GRHL2: variants seen among roughly 807,000 people sequenced by gnomAD.
GRHL2 encodes the protein grainyhead like transcription factor 2, also known as grainyhead-like protein 2 homolog.
GRHL2 carries 21 observed loss-of-function variants against 83.8 expected under a neutral mutation model. The observed-to-expected ratio is 0.25, with a 90% confidence interval of 0.18 to 0.36. The LOEUF (loss-of-function observed/expected upper bound fraction) is 0.36. GRHL2 is among the 10% of genes least tolerant of loss of function. The pLI is 1.00. For synonymous variants in GRHL2, 280 were observed against 278.9 expected (o/e 1.00, Z -0.04); for missense variants, 623 against 781.8 (o/e 0.80, Z 2.42).
intron 7 of GRHL2, among the ~76,000 whole-genome samples, chr8:101,594,490 C>T (rs533986665): frequency 1.3e-5 from 2 of 152,334 alleles, no homozygotes; most frequent in South Asian, 4.1e-4. Context: ...AGGACATTCA[C>T]CCAGCTTTCA....
chr8:101,528,724 CT>C, intron 1 of GRHL2: 1 of 255,562 alleles, frequency 3.9e-6, no homozygotes, highest in South Asian at 4.8e-5. Flanking sequence ...CTCTGTGTTC[CT>C]TCTGGTTCCA....
intron 11 of GRHL2, among the ~76,000 whole-genome samples, chr8:101,635,828 C>G (rs948270648): frequency 1.3e-5 from 2 of 152,178 alleles, no homozygotes; most frequent in African/African-American, 4.8e-5. Flanking sequence ...ACTAGAATGA[C>G]TCATTCCCAG....
chr8:101,573,927 C>A lies in GRHL2; in HGVS notation c.891+103C>A, dbSNP rs1047351195. ...CATGGAAAAAAAATAAAACCTTCAA[C>A]ATAAATAATTCTAGAACGAATGTCA... On this transcript the variant is annotated intron_variant, in intron 6 of 15. Transcript: ENST00000646743. 3.1e-6 allele frequency: 4 copies of A among 1,294,138 alleles called. No individual in the cohort carries two copies. In the African/African-American group the frequency reaches 4.4e-5, roughly 14 times the overall value. The allele number at this position is 1,294,138 out of a possible 1,614,324, so 80.2% of individuals were successfully genotyped here. A position where few individuals can be genotyped will look rare whatever the true frequency, so the allele number is the denominator to read the frequency against.
intron 6 of GRHL2, among the ~76,000 whole-genome samples, chr8:101,574,073 G>A (rs530469628): frequency 2.6e-5 from 4 of 152,262 alleles, no homozygotes; most frequent in East Asian, 1.9e-4. Flanking sequence ...GAATTTTCCC[G>A]CTTCACTCAC....
At chr8:101,576,370 A>G (rs1811933976) in intron 6 of GRHL2, among the ~76,000 whole-genome samples, 1 of 152,094 alleles carries the variant, frequency 6.6e-6, no homozygotes, top group Non-Finnish European at 1.5e-5. Flanking sequence ...GTGCACCACC[A>G]TGCCTGGCTT....
At chr8:101,605,485 G>C (rs924280724) in intron 8 of GRHL2, among the ~76,000 whole-genome samples, 1 of 152,158 alleles carries the variant, frequency 6.6e-6, no homozygotes, top group Non-Finnish European at 1.5e-5. Context: ...TTTGTATCCA[G>C]AAAGAAAGAA....
intron 1 of GRHL2, among the ~76,000 whole-genome samples, chr8:101,495,378 T>C (rs1255049588): frequency 6.6e-6 from 1 of 152,244 alleles, no homozygotes; most frequent in Non-Finnish European, 1.5e-5. Context: ...GTGTGGACTT[T>C]TCAGATTGAA....
At chr8:101,642,871 C>A (rs1459141312) in intron 12 of GRHL2, among the ~76,000 whole-genome samples, 1 of 152,122 alleles carries the variant, frequency 6.6e-6, no homozygotes, top group East Asian at 1.9e-4. Flanking sequence ...ACTCGTTGTA[C>A]CTTTTGTCAT....
In GRHL2 at chr8:101,599,202, A is replaced by C. The variant is rs777892218; in HGVS notation, c.1098+51A>C. On this transcript the variant is annotated intron_variant, in intron 8 of 15. Coordinates refer to ENST00000646743, the MANE Select transcript of GRHL2 (RefSeq NM_024915.4). The stretch of plus-strand genomic sequence containing the variant: ...TACCTCTTAATATGTGCCCATCCTC[A>C]GCAGTTTATTCTTTTTTAAAAGCCT... 7.6e-6 allele frequency: 9 copies of C among 1,178,200 alleles called. No individual in the cohort carries two copies. In the South Asian group the frequency reaches 1.1e-4, roughly 15 times the overall value. The allele number at this position is 1,178,200 out of a possible 1,614,324, so 73.0% of individuals were successfully genotyped here. A position where few individuals can be genotyped will look rare whatever the true frequency, so the allele number is the denominator to read the frequency against.
At position 101,611,559 on chromosome 8, in the gene GRHL2, C is replaced by T. The variant is rs1354264933; in HGVS notation, c.1099-7980C>T. ...ATCTCCTTGACCTGTCTCACTTGCC[C>T]AGCAATCACCTTCCTCTCCTCCCTT... On this transcript the variant is annotated intron_variant, in intron 8 of 15. Transcript: ENST00000646743. 1.3e-5 allele frequency among the ~76,000 whole-genome samples: 2 copies of T among 150,848 alleles called. 1 individual carries two copies. The highest frequency in any genetic ancestry group is 1.3e-4 in the Admixed American group (2 of 15,228).
chr8:101,514,485 A>G (rs1253371830), intron 1 of GRHL2, among the ~76,000 whole-genome samples: 1 of 152,198 alleles, frequency 6.6e-6, no homozygotes, highest in Non-Finnish European at 1.5e-5. Flanking sequence ...AGAGGTACCC[A>G]GCAGTCTAAG....
chr8:101,588,200 A>G (rs994751446), intron 7 of GRHL2, among the ~76,000 whole-genome samples: 2 of 152,180 alleles, frequency 1.3e-5, no homozygotes, highest in African/African-American at 2.4e-5. Flanking sequence ...TAAGGCAGCC[A>G]GCTTAATGAG....
chr8:101,585,320 AT>A (rs1331075453), intron 7 of GRHL2, among the ~76,000 whole-genome samples: 1 of 152,214 alleles, frequency 6.6e-6, no homozygotes, highest in Non-Finnish European at 1.5e-5. Flanking sequence ...ATAGGATTTC[AT>A]TTTTTGATGT....
intron 7 of GRHL2, among the ~76,000 whole-genome samples, chr8:101,580,546 C>T (rs868288648): frequency 3.3e-5 from 5 of 152,086 alleles, no homozygotes; most frequent in South Asian, 4.2e-4. Context: ...AGAGCCACTG[C>T]GCCTGGCCAA....
At chr8:101,664,563 T>G (rs1814003521) in intron 15 of GRHL2, 45 bp downstream of exon 15, 1 of 1,330,080 alleles carries the variant, frequency 7.5e-7, no homozygotes, top group Non-Finnish European at 1.1e-6. Context: ...ATCAGATAAA[T>G]CCACATGATG....
chr8:101,492,535 C>G lies in GRHL2; in HGVS notation c.-235C>G, dbSNP rs111492929. 1 of 617,340 alleles carries G rather than the reference C, an allele frequency of 1.6e-6. No homozygotes were observed. The highest frequency in any genetic ancestry group is 1.9e-5 in the African/African-American group (1 of 54,046). 38.2% of individuals were successfully genotyped at this position (617,340 alleles called of 1,614,324 possible). ...GGACTCCGCGCCGCCCGGCCGCCTC[C>G]GAGCTCGGGCCCCATGTGAGGGGCC... On this transcript the variant is annotated 5_prime_UTR_variant, in exon 1 of 16. Transcript: ENST00000646743.
At chr8:101,636,766 C>CAG in intron 11 of GRHL2, 131 bp from the exon 12 acceptor site, 2 of 752,232 alleles carry the variant, frequency 2.7e-6, no homozygotes, top group South Asian at 2.9e-5. Context: ...CACACACACA[C>CAG]TGTTATTAAA....
chr8:101,588,066 C>T (rs1812203643), intron 7 of GRHL2, among the ~76,000 whole-genome samples: 2 of 152,102 alleles, frequency 1.3e-5, no homozygotes, highest in Non-Finnish European at 2.9e-5. Context: ...GAATGTGGAC[C>T]ACCACTAGTT....
At chr8:101,591,831 C>A (rs1175588790) in intron 7 of GRHL2, among the ~76,000 whole-genome samples, 1 of 152,106 alleles carries the variant, frequency 6.6e-6, no homozygotes, top group African/African-American at 2.4e-5. Context: ...ATCCTAAGGG[C>A]ATTTGCATTT....
Sources: gnomAD v4.1 joint callset for allele counts (sites outside exome capture counted in the v4.1 genomes callset) on GRCh38, gnomAD v4.1.1 for gene constraint, MANE v1.5 for transcripts, NCBI Gene and HGNC (gene_info 2026-07-23, HGNC 2026-07-21) for gene names.